DDX1: variants seen among roughly 807,000 people sequenced by gnomAD.
DDX1 encodes the protein ATP-dependent RNA helicase DDX1.
DDX1 carries 28 observed loss-of-function variants against 108.7 expected under a neutral mutation model. The ratio of observed to expected loss-of-function variants is 0.26; its 90% CI spans 0.19 to 0.35. The LOEUF is 0.35. DDX1 is among the 10% of genes least tolerant of loss of function. DDX1 has a pLI of 1.00. For missense variants in DDX1, 710 were observed against 884.5 expected (o/e 0.80, Z 2.50); for synonymous variants, 295 against 288.9 (o/e 1.02, Z -0.21).
In DDX1 at chr2:15,603,245, T is replaced by G. The variant is rs775481415; in HGVS notation, c.445T>G (p.Trp149Gly). Residue 149 changes from tryptophan to glycine, a missense_variant, in exon 8 of 26, where the codon TGG (tryptophan) becomes GGG (glycine). Transcript: ENST00000233084. ...CHDQGLCRVG[W>G]STMQASLDLG... is the part of the protein sequence containing the mutation. ...TGACCAAGGGTTATGCAGGGTCGGG[T>G]GGTCTACCATGCAGGCCTCTTTGGA... 3 of 1,613,566 alleles carry G rather than the reference T, an allele frequency of 1.9e-6. No homozygotes were observed. The highest frequency in any genetic ancestry group is 1.7e-6 in the Non-Finnish European group (2 of 1,179,632).
chr2:15,612,141 A>AC lies in DDX1; in HGVS notation c.957-1075dup, dbSNP rs749569083. Among the ~76,000 whole-genome samples, 132 of 101,782 alleles carry AC rather than the reference A, an allele frequency of 1.3e-3. 1 individual carries two copies. Among genetic ancestry groups the AC allele is most frequent in the Non-Finnish European group, 1.9e-3 (96 of 50,946 alleles). 66.8% of individuals were successfully genotyped at this position (101,782 alleles called of 152,430 possible). A position where few individuals can be genotyped will look rare whatever the true frequency, so the allele number is the denominator to read the frequency against. ...GGGCGGCTGGCCGGGCGGGGGGCTG[A>AC]CCCCCCCCACCTCCCTCCTGGACGG... On this transcript the variant is annotated intron_variant, in intron 13 of 25. Transcript: ENST00000233084.
intron 10 of DDX1, among the ~76,000 whole-genome samples, chr2:15,604,734 G>T (rs1665637950): frequency 1.3e-5 from 2 of 152,218 alleles, no homozygotes; most frequent in Non-Finnish European, 2.9e-5. Flanking sequence ...AGTGGTGAAA[G>T]ACAGACATAT....
chr2:15,599,737 T>G (rs1665558405), intron 6 of DDX1, 21 bp downstream of exon 6: 1 of 1,573,572 alleles, frequency 6.4e-7, no homozygotes, highest in Non-Finnish European at 8.7e-7. Context: ...AGACTTTCCA[T>G]CAGCTCATTT....
Position 15,614,342 on chromosome 2 carries a change from C to T in DDX1, c.1017+1058C>T, listed in dbSNP as rs1199980320. Among the ~76,000 whole-genome samples the T allele has an allele frequency of 2.6e-5, 4 of 152,192 alleles. No individual in the cohort carries two copies. In the South Asian group the frequency reaches 6.2e-4, roughly 24 times the overall value. On this transcript the variant is annotated intron_variant, in intron 14 of 25. Transcript: ENST00000233084. ...TCTTGTCAAACTAAATTTTGTGCCA[C>T]ACAGACTTTACATTTGACCTGGTAT...
chr2:15,627,668 T>C (rs1217721399), intron 20 of DDX1: 2 of 152,878 alleles, frequency 1.3e-5, no homozygotes, highest in Non-Finnish European at 2.9e-5. Context: ...GAACTAAAGA[T>C]CGGTAACCTG....
chr2:15,620,346 A>C lies in DDX1; in HGVS notation c.1345A>C (p.Asn449His), dbSNP rs767032016. ...DTVHHVVVPVNPKTDRLWERL... is the reference protein window; with the variant it reads ...DTVHHVVVPVHPKTDRLWERL... ...TGTACACCATGTTGTTGTCCCAGTA[A>C]ATCCCAAAACTGACAGACTCTGGGA... The change falls in exon 17 of 26, where the codon AAT (asparagine) becomes CAT (histidine). Residue 449 changes from asparagine to histidine, a missense_variant. By Grantham distance (68) the Asn-to-His change is moderately conservative. Coordinates refer to ENST00000233084, the MANE Select transcript of DDX1 (RefSeq NM_004939.3). 19 of 1,614,010 alleles carry C rather than the reference A, an allele frequency of 1.2e-5. No individual in the cohort carries two copies. The South Asian group carries it at 2.1e-4, about 18-fold the overall frequency.
intron 1 of DDX1, among the ~76,000 whole-genome samples, chr2:15,594,361 C>T (rs866445709): frequency 6.6e-6 from 1 of 151,996 alleles, no homozygotes; most frequent in Non-Finnish European, 1.5e-5. Context: ...AAATAAAAAT[C>T]ACTTGTCTTT....
chr2:15,611,038 G>T (rs1399819328), intron 13 of DDX1, among the ~76,000 whole-genome samples: 1 of 150,084 alleles, frequency 6.7e-6, no homozygotes, highest in African/African-American at 2.5e-5. Context: ...GCGGCCTTCC[G>T]CAGTGTTTGT....
At chr2:15,617,562 T>C (rs1665921318) in intron 15 of DDX1, among the ~76,000 whole-genome samples, 2 of 152,138 alleles carry the variant, frequency 1.3e-5, no homozygotes, top group South Asian at 4.1e-4. Context: ...AAAAATGTAA[T>C]GTCATAAGTA....
chr2:15,616,722 C>G (rs1248992230), intron 14 of DDX1, among the ~76,000 whole-genome samples: 3 of 152,144 alleles, frequency 2.0e-5, no homozygotes, highest in Non-Finnish European at 4.4e-5. Flanking sequence ...CCTGGACAGT[C>G]TGATCACCAT....
chr2:15,603,147 C>T (rs1252042547), intron 7 of DDX1, 45 bp from the exon 8 acceptor site: 4 of 1,277,008 alleles, frequency 3.1e-6, no homozygotes, highest in African/African-American at 1.5e-5. Flanking sequence ...GTAAATGAAT[C>T]GTGTGTGTGA....
intron 16 of DDX1, among the ~76,000 whole-genome samples, chr2:15,619,282 C>T (rs1665951393): frequency 6.6e-6 from 1 of 152,250 alleles, no homozygotes; most frequent in Non-Finnish European, 1.5e-5. Flanking sequence ...CTGTCCGCCT[C>T]CTCTCTGTGC....
Position 15,604,507 on chromosome 2 carries a change from A to C in DDX1, c.623A>C (p.Asn208Thr). ...AAGGGACATGTCAAGTTCTCCAAAA[A>C]TGGTAAGCTCTATATGGATCTTAGT... ...IDKGHVKFSK[N>T]GKDLGLAFEI... The change falls in exon 10 of 26, where the codon AAT (asparagine) becomes ACT (threonine). Residue 208 changes from asparagine to threonine, a missense_variant and splice_region_variant. Physicochemically the swap from Asn to Thr is moderately conservative, Grantham distance 65. Transcript: ENST00000233084. 1.3e-6 allele frequency: 2 copies of C among 1,592,286 alleles called. No homozygotes were observed. Among genetic ancestry groups the C allele is most frequent in the Non-Finnish European group, 1.7e-6 (2 of 1,160,440 alleles).
At chr2:15,593,453 T>A (rs1665450320) in intron 1 of DDX1, among the ~76,000 whole-genome samples, 1 of 152,208 alleles carries the variant, frequency 6.6e-6, no homozygotes, top group African/African-American at 2.4e-5. Flanking sequence ...CACGAATGTT[T>A]CTAATTTTTC....
rs541637062 is a variant in DDX1, at chr2:15,602,628, A to C, written c.388A>C (p.Lys130Gln). 20 of 1,606,894 alleles carry C rather than the reference A, an allele frequency of 1.2e-5. No homozygotes were observed. The South Asian group carries it at 2.2e-4, about 18-fold the overall frequency. The change falls in exon 7 of 26, where the codon AAA becomes CAA. Residue 130 changes from lysine to glutamine, a missense_variant. Transcript: ENST00000233084. ...GTGTAGAGCTACTAAAGGATTAATG[A>C]AAGGTATTTGAACAGCATCTGCACT... The part of the protein sequence containing the change: ...HGCRATKGLM[K>Q]GKHYYEVSCH...
intron 10 of DDX1, among the ~76,000 whole-genome samples, chr2:15,605,172 T>TA (rs1665643422): frequency 1.3e-5 from 2 of 152,172 alleles, no homozygotes; most frequent in Non-Finnish European, 2.9e-5. Flanking sequence ...GTCTTTAGTT[T>TA]AACAGTACCA....
chr2:15,624,390 T>C (rs1666063976), intron 19 of DDX1, among the ~76,000 whole-genome samples: 1 of 152,180 alleles, frequency 6.6e-6, no homozygotes, highest in Admixed American at 6.5e-5. Flanking sequence ...TCTGTTCTTA[T>C]GCTGCTATGA....
rs796376677 is a variant in DDX1 at position 15,613,854 on chromosome 2, GAGA to G, written c.1017+573_1017+575del. Among the ~76,000 whole-genome samples the G allele has an allele frequency of 3.0e-3, 217 of 72,784 alleles. 1 individual carries two copies. The highest frequency in any genetic ancestry group is 9.5e-3 in the African/African-American group (212 of 22,318). 47.7% of individuals were successfully genotyped at this position (72,784 alleles called of 152,430 possible). ...AGGAATTTTTTTTTTTTTTTTTTTTGAGAAGGAGTTTCACTCTTGTCGCCCAGG... is the reference window on the plus strand; with the variant it reads ...AGGAATTTTTTTTTTTTTTTTTTTTGAGGAGTTTCACTCTTGTCGCCCAGG... On this transcript the variant is annotated intron_variant, in intron 14 of 25. Coordinates refer to ENST00000233084, the MANE Select transcript of DDX1 (RefSeq NM_004939.3).
chr2:15,623,370 T>C, intron 18 of DDX1, 66 bp from the exon 19 acceptor site: 1 of 1,500,806 alleles, frequency 6.7e-7, no homozygotes. Flanking sequence ...TGACTATAAT[T>C]ATGTGTATTC....
Sources: allele counts gnomAD v4.1 joint callset (sites outside exome capture counted in the v4.1 genomes callset), GRCh38; gene constraint gnomAD v4.1.1; transcripts MANE v1.5; gene names NCBI Gene and HGNC (gene_info 2026-07-23, HGNC 2026-07-21).